The following SSBP2 variants were observed in gnomAD, a reference collection of about 807,000 sequenced individuals.
SSBP2 encodes the protein single-stranded DNA-binding protein 2.
SSBP2 carries 17 observed loss-of-function variants against 61.8 expected under a neutral mutation model. That is an observed-to-expected ratio of 0.28 (90% CI 0.19 to 0.41). The LOEUF is 0.41. SSBP2 is among the 10% of genes least tolerant of loss of function. The pLI, the probability that SSBP2 is intolerant of heterozygous loss-of-function variation, is 1.00. For synonymous variants in SSBP2, 139 were observed against 141.3 expected, an observed-to-expected ratio of 0.98 and a Z score of 0.12; for missense variants, 310 against 458.7, an observed-to-expected ratio of 0.68 and a Z score of 2.96.
rs1361738409 is a variant in SSBP2 at position 81,474,463 on chromosome 5, A to G, written c.499+33T>C. 4 of 1,575,882 alleles carry G rather than the reference A, an allele frequency of 2.5e-6. No homozygotes were observed. The Admixed American group carries it at 6.7e-5, about 26-fold the overall frequency. On this transcript the variant is annotated intron_variant, in intron 7 of 16. Transcript: ENST00000320672. ...TAAAAGATTTCCTCTATGGTTCTGC[A>G]CATCAATTTTCCTTTTACTTTAGAG...
In SSBP2 at chr5:81,727,504, G is replaced by A. The variant is rs187641061; in HGVS notation, c.62+23477C>T. On this transcript the variant is annotated intron_variant, in intron 1 of 16. Transcript: ENST00000320672. ...GCAGAGGTTGCAGTGAGCTGAGATC[G>A]CACCATTGCACTCCAACCTGAGCAA... is the stretch of plus-strand genomic sequence containing the variant. 2.6e-5 allele frequency among the ~76,000 whole-genome samples: 4 copies of A among 151,972 alleles called. 1 individual carries two copies. The highest frequency in any genetic ancestry group is 3.9e-4 in the East Asian group (2 of 5,178).
Position 81,618,000 on chromosome 5 carries a change from G to A in SSBP2, c.198-2443C>T, listed in dbSNP as rs1314207304. The stretch of plus-strand genomic sequence containing the variant: ...CCGGTACCAGCTGCTGCAAAATCAT[G>A]CCAAAATGTAAAGACCATCGAGACT... On this transcript the variant is annotated intron_variant, in intron 3 of 16. Coordinates refer to ENST00000320672, the MANE Select transcript of SSBP2 (RefSeq NM_012446.5). Among the ~76,000 whole-genome samples, 7 of 132,242 alleles carry A rather than the reference G, an allele frequency of 5.3e-5. 2 individuals carry two copies. Among genetic ancestry groups the A allele is most frequent in the Non-Finnish European group, 1.0e-4 (6 of 59,804 alleles). The allele number at this position is 132,242 out of a possible 152,430, so 86.8% of individuals were successfully genotyped here.
In SSBP2 at chr5:81,602,929, T is replaced by A. The variant is rs577980399; in HGVS notation, c.282+12544A>T. On this transcript the variant is annotated intron_variant, in intron 4 of 16. Transcript: ENST00000320672. ...TAACACTGTGATTACTGTCTTTCAA[T>A]CCCTCACCATCAGTCTCCATGAGTC... Among the ~76,000 whole-genome samples, 4 of 152,238 alleles carry A rather than the reference T, an allele frequency of 2.6e-5. No individual in the cohort carries two copies. In the South Asian group the frequency reaches 8.3e-4, roughly 32 times the overall value.
intron 2 of SSBP2, among the ~76,000 whole-genome samples, chr5:81,642,834 G>T (rs571556620): frequency 6.6e-6 from 1 of 152,204 alleles, no homozygotes; most frequent in African/African-American, 2.4e-5. Flanking sequence ...TTAAAGCACA[G>T]AATGGTGTAT....
In SSBP2 at chr5:81,413,308, C is replaced by T. The variant is rs868719678; in HGVS notation, c.*7196G>A. ...GCACATGCACGCACACACACATACA[C>T]GAACACACATACACAGATGCTAAAT... is the stretch of plus-strand genomic sequence containing the variant. On this transcript the variant is annotated 3_prime_UTR_variant, in exon 17 of 17. Coordinates refer to ENST00000320672, the MANE Select transcript of SSBP2 (RefSeq NM_012446.5). 2.0e-5 allele frequency: 3 copies of T among 152,190 alleles called. No homozygotes were observed. In the South Asian group the frequency reaches 6.2e-4, roughly 31 times the overall value. The allele number at this position is 152,190 out of a possible 1,614,324, so 9.4% of individuals were successfully genotyped here.
chr5:81,750,143 C>T (rs906127392), intron 1 of SSBP2, among the ~76,000 whole-genome samples: 2 of 152,016 alleles, frequency 1.3e-5, no homozygotes, highest in African/African-American at 2.4e-5. Context: ...CCAGCCTCCT[C>T]CAGCGGATCC....
chr5:81,421,367 AT>A (rs546358433), intron 16 of SSBP2, among the ~76,000 whole-genome samples: 2 of 151,948 alleles, frequency 1.3e-5, no homozygotes, highest in Non-Finnish European at 2.9e-5. Flanking sequence ...TAATTTTTGT[AT>A]TTTTTGTAGA....
At chr5:81,738,427 C>G (rs1406193907) in intron 1 of SSBP2, among the ~76,000 whole-genome samples, 1 of 152,190 alleles carries the variant, frequency 6.6e-6, no homozygotes, top group Non-Finnish European at 1.5e-5. Flanking sequence ...TTAGTTTCCT[C>G]ACACTTATCC....
intron 1 of SSBP2, among the ~76,000 whole-genome samples, chr5:81,735,364 G>A (rs1756529328): frequency 6.6e-6 from 1 of 151,924 alleles, no homozygotes. Flanking sequence ...CCACATCCAT[G>A]GGGGATTTGT....
At chr5:81,467,167 A>T in intron 8 of SSBP2, 102 bp from the exon 9 acceptor site, 1 of 629,828 alleles carries the variant, frequency 1.6e-6, no homozygotes, top group South Asian at 3.2e-5. Flanking sequence ...GGCCTGTGTA[A>T]TTCATTCTCT....
At chr5:81,680,261 C>T (rs1441732347) in intron 1 of SSBP2, among the ~76,000 whole-genome samples, 7 of 149,238 alleles carry the variant, frequency 4.7e-5, no homozygotes, top group Admixed American at 4.7e-4. Flanking sequence ...GAGCCAATCC[C>T]TCATAATAAT....
At chr5:81,638,552 CAGTA>C (rs1483380148) in intron 2 of SSBP2, among the ~76,000 whole-genome samples, 1 of 150,444 alleles carries the variant, frequency 6.6e-6, no homozygotes, top group Non-Finnish European at 1.5e-5. Context: ...AACTGACATG[CAGTA>C]AGTGCCTGGT....
intron 3 of SSBP2, among the ~76,000 whole-genome samples, chr5:81,625,089 A>G (rs1747009557): frequency 6.6e-6 from 1 of 152,174 alleles, no homozygotes; most frequent in Non-Finnish European, 1.5e-5. Context: ...ATATATAAAA[A>G]TTTCACTAAT....
intron 4 of SSBP2, among the ~76,000 whole-genome samples, chr5:81,590,158 T>C (rs1403642468): frequency 1.3e-5 from 2 of 151,494 alleles, no homozygotes; most frequent in South Asian, 2.1e-4. Flanking sequence ...TGGGGAGGGG[T>C]GTGTTGGAAA....
rs184010691 is a variant in SSBP2, at chr5:81,571,344, G to C, written c.282+44129C>G. Among the ~76,000 whole-genome samples the C allele has an allele frequency of 1.1e-3, 160 of 152,156 alleles. 1 individual carries two copies. The highest frequency in any genetic ancestry group is 0.01 in the Admixed American group (155 of 15,286). On this transcript the variant is annotated intron_variant, in intron 4 of 16. Transcript: ENST00000320672. ...AGGCTTTAGCAAGACATTGGGAGGTGAGAGTGCAGTGGGCAAAAATGCATT... is the reference window on the plus strand; with the variant it reads ...AGGCTTTAGCAAGACATTGGGAGGTCAGAGTGCAGTGGGCAAAAATGCATT...
intron 4 of SSBP2, among the ~76,000 whole-genome samples, chr5:81,547,097 A>G (rs544733841): frequency 5.3e-5 from 8 of 150,798 alleles, no homozygotes; most frequent in Admixed American, 5.3e-4. Flanking sequence ...AATCCAGAAC[A>G]CTAACACCAC....
At chr5:81,474,019 T>C (rs1765427847) in intron 7 of SSBP2, among the ~76,000 whole-genome samples, 1 of 152,212 alleles carries the variant, frequency 6.6e-6, no homozygotes, top group African/African-American at 2.4e-5. Context: ...TTTGCTCCTC[T>C]TCCCATGGAA....
At chr5:81,501,537 G>A (rs1767767436) in intron 5 of SSBP2, among the ~76,000 whole-genome samples, 1 of 145,106 alleles carries the variant, frequency 6.9e-6, no homozygotes, top group Non-Finnish European at 1.5e-5. Flanking sequence ...ATTCCCTGGT[G>A]TTGTTTCCTT....
At chr5:81,477,700 T>A (rs1765687514) in intron 6 of SSBP2, among the ~76,000 whole-genome samples, 1 of 151,902 alleles carries the variant, frequency 6.6e-6, no homozygotes, top group Admixed American at 6.6e-5. Flanking sequence ...TACCTCACTT[T>A]CAGAGAACTT....
Sources: gnomAD v4.1 joint callset for allele counts (sites outside exome capture counted in the v4.1 genomes callset) on GRCh38, gnomAD v4.1.1 for gene constraint, MANE v1.5 for transcripts, NCBI Gene and HGNC (gene_info 2026-07-23, HGNC 2026-07-21) for gene names.